SBNO2: variants seen among roughly 807,000 people sequenced by gnomAD.
SBNO2 encodes protein strawberry notch homolog 2.
A neutral mutation model predicts 146.3 loss-of-function variants in SBNO2; 89 were observed. That is an observed-to-expected ratio of 0.61 (90% CI 0.51 to 0.73). The LOEUF is 0.73. SBNO2 is among the 30% of genes least tolerant of loss of function. The pLI, the probability that SBNO2 is intolerant of heterozygous loss-of-function variation, is 0.00. For missense variants in SBNO2, 2,092 were observed against 2,003.7 expected, an observed-to-expected ratio of 1.04 and a Z score of -0.84; for synonymous variants, 1,147 against 892.6, an observed-to-expected ratio of 1.29 and a Z score of -5.08.
In SBNO2 at chr19:1,109,712, G is replaced by T. The variant is rs1326296274; in HGVS notation, c.3094C>A (p.Pro1032Thr). The change falls in exon 27 of 32, where the codon CCG becomes ACG. Residue 1032 changes from proline (P) to threonine (T), a missense_variant. By Grantham distance (38) the Pro-to-Thr change is conservative. Transcript: ENST00000361757. This position sits in a 1 kb window ranked among gnomAD's most constrained non-coding sequence, Gnocchi z 4.2. ...SQQVFLAPGH[P>T]QDGQVVFYKI... The stretch of plus-strand genomic sequence containing the variant: ...TAGAAGACCACCTGCCCGTCCTGCG[G>T]GTGCCCGGGAGCCAGGAACACCTGC... 2.5e-6 allele frequency: 4 copies of T among 1,607,846 alleles called. No homozygotes were observed. Among genetic ancestry groups the T allele is most frequent in the Non-Finnish European group, 3.4e-6 (4 of 1,176,324 alleles).
chr19:1,134,658 A>C (rs1264759031), intron 4 of SBNO2, among the ~76,000 whole-genome samples: 1 of 152,174 alleles, frequency 6.6e-6, no homozygotes, highest in Non-Finnish European at 1.5e-5. Flanking sequence ...CTGGGGAGTG[A>C]CAGCTGATGG....
At chr19:1,117,076 C>A in intron 15 of SBNO2, 150 bp from the exon 16 acceptor site, 1 of 819,458 alleles carries the variant, frequency 1.2e-6, no homozygotes, top group South Asian at 1.7e-5. Flanking sequence ...CTACAACACA[C>A]ACTGCTGGGT....
At chr19:1,127,790 G>A in intron 4 of SBNO2, 25 bp from the exon 5 acceptor site, 1 of 1,610,208 alleles carries the variant, frequency 6.2e-7, no homozygotes, top group Non-Finnish European at 8.5e-7. Context: ...CAGGCCCGGT[G>A]AGGGTGGTAC....
chr19:1,138,801 C>T (rs779251475), intron 4 of SBNO2, among the ~76,000 whole-genome samples: 4 of 150,822 alleles, frequency 2.7e-5, no homozygotes, highest in Non-Finnish European at 4.4e-5. Flanking sequence ...GGGCCCTCCA[C>T]GCCTCCATCA....
chr19:1,109,308 C>A lies in SBNO2; in HGVS notation c.3332G>T (p.Arg1111Leu), dbSNP rs768512524. 9 of 1,596,666 alleles carry A rather than the reference C, an allele frequency of 5.6e-6. No individual in the cohort carries two copies. In the South Asian group the frequency reaches 9.0e-5, roughly 16 times the overall value. Residue 1111 changes from arginine to leucine, a missense_variant, in exon 29 of 32, where the codon CGC becomes CTC. Coordinates refer to ENST00000361757, the MANE Select transcript of SBNO2 (RefSeq NM_014963.3). This position sits in a 1 kb window ranked among gnomAD's most constrained non-coding sequence, Gnocchi z 4.2. Reference sequence around the variant, plus strand: ...GCCGCCTACCCGGTGGAACTTGCGGCGGAGGCTGTCCAGGGCCTCCAGCTG... The same window carrying A: ...GCCGCCTACCCGGTGGAACTTGCGGAGGAGGCTGTCCAGGGCCTCCAGCTG... ...QSQLEALDSL[R>L]RKFHRVTAEE...
rs1314878469 is a variant in SBNO2, at chr19:1,119,949, C to T, written c.1224G>A (p.Gln408=). 1 of 1,550,532 alleles carries T rather than the reference C, an allele frequency of 6.4e-7. No individual in the cohort carries two copies. Among genetic ancestry groups the T allele is most frequent in the South Asian group, 1.2e-5 (1 of 84,078 alleles). ...CCACGCGGGCCAGGGGCAGCTTGTTCTGCAGGTCTAGCACAGCCTTGCCCA... is the reference window on the plus strand; with the variant it reads ...CCACGCGGGCCAGGGGCAGCTTGTTTTGCAGGTCTAGCACAGCCTTGCCCA... ...TKMGKAVLDL[Q]NKLPLARVVY... Residue 408 remains glutamine, a synonymous_variant, in exon 12 of 32, where the codon CAG becomes CAA. Coordinates refer to ENST00000361757, the MANE Select transcript of SBNO2 (RefSeq NM_014963.3).
Position 1,147,396 on chromosome 19 carries a change from G to C in SBNO2, c.192C>G (p.Phe64Leu). 2 of 1,502,392 alleles carry C rather than the reference G, an allele frequency of 1.3e-6. No individual in the cohort carries two copies. Among genetic ancestry groups the C allele is most frequent in the Non-Finnish European group, 1.8e-6 (2 of 1,133,050 alleles). 93.1% of individuals were successfully genotyped at this position (1,502,392 alleles called of 1,614,324 possible). Residue 64 changes from phenylalanine to leucine, a missense_variant, in exon 4 of 32, where the codon TTC becomes TTG. Physicochemically the swap from Phe to Leu is conservative, Grantham distance 22. Transcript: ENST00000361757. ...TGTCTGGGCAGGGCTGGCTGCCGAG[G>C]AAGGAGGCGGAGCTCATGAACGGGC... ...DSRPFMSSAS[F>L]LGSQPCPDTS...
At chr19:1,160,775 C>T (rs1361531470) in intron 1 of SBNO2, among the ~76,000 whole-genome samples, 1 of 152,140 alleles carries the variant, frequency 6.6e-6, no homozygotes, top group Non-Finnish European at 1.5e-5. Context: ...GGTGATCCGC[C>T]CGCCTCGGCC....
rs192258268 is a variant in SBNO2 at position 1,112,125 on chromosome 19, A to G, written c.2629-58T>C. ...CCTGGGGTCTGGCCTCTAGCACCCC[A>G]CAAAGCTTTGGAGAGCCTTCCTGGG... On this transcript the variant is annotated intron_variant, in intron 22 of 31. Coordinates refer to ENST00000361757, the MANE Select transcript of SBNO2 (RefSeq NM_014963.3). This position sits in a 1 kb window ranked among gnomAD's most constrained non-coding sequence, Gnocchi z 5.9. The G allele has an allele frequency of 1.0e-3, 1,628 of 1,605,454 alleles. 1 individual carries two copies. Among genetic ancestry groups the G allele is most frequent in the Non-Finnish European group, 1.3e-3 (1,471 of 1,176,062 alleles).
intron 2 of SBNO2, among the ~76,000 whole-genome samples, chr19:1,151,947 A>T (rs2145309921): frequency 6.6e-6 from 1 of 152,168 alleles, no homozygotes; most frequent in South Asian, 2.1e-4. Context: ...TCAGGCGTGA[A>T]CCATTGTGCT....
At chr19:1,117,527 T>A in intron 14 of SBNO2, 28 bp from the exon 15 acceptor site, 2 of 1,541,486 alleles carry the variant, frequency 1.3e-6, no homozygotes, top group Non-Finnish European at 8.8e-7. Context: ...AAGGCGCCCC[T>A]GAGCTGTGGC....
At chr19:1,160,261 C>T (rs780397369) in intron 1 of SBNO2, among the ~76,000 whole-genome samples, 3 of 152,300 alleles carry the variant, frequency 2.0e-5, no homozygotes, top group South Asian at 2.1e-4. Flanking sequence ...CCCAGCAAGC[C>T]GCTCACGGTC....
At chr19:1,156,269 C>T (rs2145319791) in intron 1 of SBNO2, among the ~76,000 whole-genome samples, 1 of 152,244 alleles carries the variant, frequency 6.6e-6, no homozygotes, top group Admixed American at 6.5e-5. Flanking sequence ...GCTCAGGGGA[C>T]CGGGTTCTTC....
chr19:1,164,408 GAGGAGGAGGAAC>G (rs1290065277), intron 1 of SBNO2, among the ~76,000 whole-genome samples: 3 of 26,096 alleles, frequency 1.1e-4, no homozygotes, highest in African/African-American at 4.8e-4. Context: ...GGAGGAGGAG[GAGGAGGAGGAAC>G]AGGAGGAGGA....
intron 11 of SBNO2, 75 bp from the exon 12 acceptor site, chr19:1,120,098 G>C (rs975022089): frequency 1.5e-5 from 18 of 1,221,358 alleles, no homozygotes; most frequent in Non-Finnish European, 2.0e-5. Context: ...GACCACCCAA[G>C]ACCCCACCTT....
At chr19:1,142,148 ACG>A (rs2080145231) in intron 4 of SBNO2, among the ~76,000 whole-genome samples, 1 of 101,780 alleles carries the variant, frequency 9.8e-6, no homozygotes, top group Non-Finnish European at 1.9e-5. Flanking sequence ...CTCCCTCCCC[ACG>A]ATCAATCCTC....
chr19:1,113,117 T>C lies in SBNO2; in HGVS notation c.2248-168A>G, dbSNP rs1382345546. ...GGGCGGGACTGCTGGACCCAGGCGATGTGTGCCTGTCCAAGGCCTGGTATT... is the reference window on the plus strand; with the variant it reads ...GGGCGGGACTGCTGGACCCAGGCGACGTGTGCCTGTCCAAGGCCTGGTATT... On this transcript the variant is annotated intron_variant, in intron 19 of 31. Coordinates refer to ENST00000361757, the MANE Select transcript of SBNO2 (RefSeq NM_014963.3). 3.9e-5 allele frequency among the ~76,000 whole-genome samples: 6 copies of C among 152,168 alleles called. No individual in the cohort carries two copies. In the East Asian group the frequency reaches 1.2e-3, roughly 29 times the overall value.
At chr19:1,160,571 T>C (rs1296596957) in intron 1 of SBNO2, among the ~76,000 whole-genome samples, 1 of 151,902 alleles carries the variant, frequency 6.6e-6, no homozygotes, top group African/African-American at 2.4e-5. Context: ...TGGGTTCCAG[T>C]GATTTTTGTG....
At chr19:1,172,169 C>T (rs2080483869) in intron 1 of SBNO2, among the ~76,000 whole-genome samples, 1 of 152,166 alleles carries the variant, frequency 6.6e-6, no homozygotes, top group African/African-American at 2.4e-5. Context: ...AAATCACACT[C>T]CAGGGGCTGG....
Sources: gnomAD v4.1 joint callset for allele counts (sites outside exome capture counted in the v4.1 genomes callset) on GRCh38, gnomAD v4.1.1 for gene constraint, Gnocchi (gnomAD v3.1) non-coding constraint, MANE v1.5 for transcripts, NCBI Gene and HGNC (gene_info 2026-07-23, HGNC 2026-07-21) for gene names.